The following HOXC5 variants were observed in gnomAD, a reference collection of about 807,000 sequenced individuals.
HOXC5 encodes homeobox protein Hox-C5.
In HOXC5, 19 loss-of-function variants were observed where a neutral mutation model predicts 20.1. The ratio of observed to expected loss-of-function variants is 0.94; its 90% CI spans 0.66 to 1.38. The LOEUF is 1.38. HOXC5 is among the 40% of genes most tolerant of loss of function. HOXC5 has a pLI of 0.00. For missense variants in HOXC5, 330 were observed against 300.1 expected (o/e 1.10, Z -0.74); for synonymous variants, 124 against 117.0 (o/e 1.06, Z -0.39).
upstream of HOXC5, among the ~76,000 whole-genome samples, chr12:54,031,948 A>G (rs1941003492): frequency 6.6e-6 from 1 of 152,210 alleles, no homozygotes; most frequent in Non-Finnish European, 1.5e-5. Context: ...TGGAAAGCCT[A>G]GCCCAGAGAC....
upstream of HOXC5, chr12:54,029,675 C>T (rs138685629): frequency 8.1e-6 from 13 of 1,613,522 alleles, no homozygotes; most frequent in East Asian, 2.2e-5. Context: ...CGGAGCGGAC[C>T]GGAGGCGCGG....
upstream of HOXC5, chr12:54,029,854 T>G (rs983478792): frequency 6.2e-7 from 1 of 1,613,514 alleles, no homozygotes; most frequent in South Asian, 1.1e-5. Flanking sequence ...AAAAAGAATC[T>G]AATCTCACAT....
upstream of HOXC5, chr12:54,030,131 C>T (rs553588814): frequency 1.9e-4 from 121 of 624,424 alleles, 1 homozygote; most frequent in South Asian, 2.0e-3. Context: ...GACCCCCTCC[C>T]TCACCGCACA....
At chr12:54,029,874 C>T (rs976893207), upstream of HOXC5, 2 of 1,612,372 alleles carry the variant, frequency 1.2e-6, no homozygotes, top group African/African-American at 1.3e-5. Flanking sequence ...TCCACTCTCT[C>T]GGGGGGCGGC....
At chr12:54,029,446 C>G (rs1048005079), upstream of HOXC5, among the ~76,000 whole-genome samples, 1 of 117,980 alleles carries the variant, frequency 8.5e-6, no homozygotes, top group African/African-American at 3.2e-5. Context: ...CTTTGGGACA[C>G]ACAGGTCCCA....
chr12:54,020,595 A>T, the HOXC5 span: 3 of 152,350 alleles, frequency 2.0e-5, 1 homozygote, highest in Admixed American at 2.0e-4. Flanking sequence ...GAATATATAC[A>T]GACTCATATT....
chr12:54,029,699 T>A (rs1565742276), upstream of HOXC5: 2 of 1,614,012 alleles, frequency 1.2e-6, no homozygotes, highest in East Asian at 4.5e-5. Flanking sequence ...CCAGATCTAC[T>A]CGCGGTACCA....
chr12:54,026,945 C>G, the HOXC5 span, among the ~76,000 whole-genome samples: 69 of 138,726 alleles, frequency 5.0e-4, no homozygotes, highest in African/African-American at 1.6e-3. Context: ...TTCCCCCCCC[C>G]CAACCCACCC....
At chr12:54,018,665 C>G in the HOXC5 span, among the ~76,000 whole-genome samples, 7 of 152,184 alleles carry the variant, frequency 4.6e-5, no homozygotes, top group African/African-American at 1.7e-4. Context: ...GGCCTGGGTC[C>G]GAGGCTCCGA....
At chr12:54,018,028 A>G in the HOXC5 span, among the ~76,000 whole-genome samples, 4 of 152,068 alleles carry the variant, frequency 2.6e-5, no homozygotes, top group African/African-American at 7.2e-5. Context: ...TTAATTGGCA[A>G]TTAGGGGGGA....
the HOXC5 span, among the ~76,000 whole-genome samples, chr12:54,019,295 G>T: frequency 2.0e-5 from 3 of 149,940 alleles, no homozygotes; most frequent in South Asian, 6.3e-4. Context: ...GGCCCAGCCC[G>T]CCGCCTGCTC....
At chr12:54,030,143 C>T, upstream of HOXC5, 1 of 586,474 alleles carries the variant, frequency 1.7e-6, no homozygotes, top group Non-Finnish European at 2.9e-6. Flanking sequence ...CACCGCACAA[C>T]TCTCTTTCAC....
At position 54,034,596 on chromosome 12, in the gene HOXC5, G is replaced by A; in HGVS notation, c.*104G>A. On this transcript the variant is annotated 3_prime_UTR_variant, in exon 2 of 2. Coordinates refer to ENST00000312492, the MANE Select transcript of HOXC5 (RefSeq NM_018953.4). ...ATATTTCGGGTCGGGGGCAGGTGCT[G>A]GAGCACTGGGCTCCCGGGCCCCACA... 1.1e-6 allele frequency: 1 copy of A among 915,246 alleles called. No individual in the cohort carries two copies. The highest frequency in any genetic ancestry group is 1.6e-5 in the South Asian group (1 of 61,222). 56.7% of individuals were successfully genotyped at this position (915,246 alleles called of 1,614,324 possible). A position where few individuals can be genotyped will look rare whatever the true frequency, so the allele number is the denominator to read the frequency against.
At chr12:54,031,325 G>C (rs1940977695), upstream of HOXC5, among the ~76,000 whole-genome samples, 1 of 152,202 alleles carries the variant, frequency 6.6e-6, no homozygotes, top group Non-Finnish European at 1.5e-5. Context: ...GGAGAGCGGA[G>C]GGAAAGAGAA....
upstream of HOXC5, among the ~76,000 whole-genome samples, chr12:54,031,694 C>A (rs969976740): frequency 6.6e-6 from 1 of 152,218 alleles, no homozygotes; most frequent in Non-Finnish European, 1.5e-5. Context: ...GCGCCCCCAC[C>A]CTCGCCTCCA....
chr12:54,018,219 A>G, the HOXC5 span, among the ~76,000 whole-genome samples: 4 of 152,170 alleles, frequency 2.6e-5, no homozygotes, highest in African/African-American at 9.7e-5. Context: ...AAAGAGGCCT[A>G]CCGGCTTTCC....
the HOXC5 span, among the ~76,000 whole-genome samples, chr12:54,022,940 CT>C: frequency 6.6e-4 from 101 of 152,320 alleles, no homozygotes; most frequent in Non-Finnish European, 8.2e-4. Context: ...CCTATTGCGG[CT>C]TCTTCCTCAT....
chr12:54,033,182 C>T lies in HOXC5; in HGVS notation c.60C>T (p.Asn20=). ...YKQSPNIPAY[N]MQTCGNYGSA... is the part of the protein sequence containing the mutation. ...AGAGCCCCAATATCCCTGCCTATAA[C>T]ATGCAAACTTGTGGGAACTATGGAT... The change falls in exon 1 of 2, where the codon AAC becomes AAT. Residue 20 remains asparagine, a synonymous_variant. Coordinates refer to ENST00000312492, the MANE Select transcript of HOXC5 (RefSeq NM_018953.4). The T allele has an allele frequency of 6.2e-7, 1 of 1,614,226 alleles. No homozygotes were observed. The highest frequency in any genetic ancestry group is 8.5e-7 in the Non-Finnish European group (1 of 1,180,048).
At position 54,033,184 on chromosome 12, in the gene HOXC5, T is replaced by G. The variant is rs754872705; in HGVS notation, c.62T>G (p.Met21Arg). 2.5e-5 allele frequency: 40 copies of G among 1,614,046 alleles called. 1 individual carries two copies. In the South Asian group the frequency reaches 4.2e-4, roughly 17 times the overall value. Residue 21 changes from methionine to arginine, a missense_variant, in exon 1 of 2, where the codon ATG (methionine) becomes AGG (arginine). Physicochemically the swap from Met to Arg is moderately conservative, Grantham distance 91. Transcript: ENST00000312492. ...KQSPNIPAYN[M>R]QTCGNYGSAS... ...AGCCCCAATATCCCTGCCTATAACATGCAAACTTGTGGGAACTATGGATCG... is the reference window on the plus strand; with the variant it reads ...AGCCCCAATATCCCTGCCTATAACAGGCAAACTTGTGGGAACTATGGATCG...
Sources: gnomAD v4.1 joint callset for allele counts (sites outside exome capture counted in the v4.1 genomes callset) on GRCh38, gnomAD v4.1.1 for gene constraint, MANE v1.5 for transcripts, NCBI Gene and HGNC (gene_info 2026-07-23, HGNC 2026-07-21) for gene names.